DENND5B: variants seen among roughly 807,000 people sequenced by gnomAD.
The protein encoded by DENND5B is DENN domain containing 5B.
In DENND5B, 34 loss-of-function variants were observed where a neutral mutation model predicts 140.6. The ratio of observed to expected loss-of-function variants is 0.24; its 90% confidence interval spans 0.18 to 0.32. The LOEUF is 0.32. DENND5B is among the 10% of genes least tolerant of loss of function. The pLI is 1.00. For missense variants in DENND5B, 1,142 were observed against 1,560.2 expected, an observed-to-expected ratio of 0.73 and a Z score of 4.52; for synonymous variants, 551 against 562.1, an observed-to-expected ratio of 0.98 and a Z score of 0.28.
chr12:31,558,523 T>C (rs1949372339), intron 1 of DENND5B, among the ~76,000 whole-genome samples: 1 of 152,232 alleles, frequency 6.6e-6, no homozygotes, highest in Admixed American at 6.5e-5. Context: ...ATTCCTAGCC[T>C]TTTAGTTTGT....
intron 2 of DENND5B, among the ~76,000 whole-genome samples, chr12:31,487,600 G>C (rs186126647): frequency 2.0e-5 from 3 of 152,224 alleles, no homozygotes; most frequent in Admixed American, 2.0e-4. Context: ...TACCTGGAAG[G>C]CTGAGGCACG....
intron 1 of DENND5B, among the ~76,000 whole-genome samples, chr12:31,534,381 T>C (rs1156444151): frequency 6.6e-6 from 1 of 152,148 alleles, no homozygotes; most frequent in Admixed American, 6.6e-5. Context: ...GGTTTCACCA[T>C]GTTGGCCAGG....
chr12:31,476,785 T>C (rs1003346819), intron 3 of DENND5B, among the ~76,000 whole-genome samples: 4 of 151,930 alleles, frequency 2.6e-5, no homozygotes, highest in Admixed American at 2.6e-4. Flanking sequence ...TGAGACCCCA[T>C]CTCTAAAAAT....
chr12:31,510,129 G>A (rs1947354601), intron 1 of DENND5B, among the ~76,000 whole-genome samples: 1 of 152,072 alleles, frequency 6.6e-6, no homozygotes, highest in African/African-American at 2.4e-5. Context: ...ATTTTCTATT[G>A]CCCCAAGTTA....
rs113117899 is a variant in DENND5B at position 31,476,547 on chromosome 12, C to T, written c.904+3042G>A. On this transcript the variant is annotated intron_variant, in intron 3 of 20. Transcript: ENST00000389082. ...TGGCAACTGTCACACAGGAGGATTACCTAACTCGCCCATGGGTATAGTTAA... is the reference window on the plus strand; with the variant it reads ...TGGCAACTGTCACACAGGAGGATTATCTAACTCGCCCATGGGTATAGTTAA... Among the ~76,000 whole-genome samples, 234 of 151,082 alleles carry T rather than the reference C, an allele frequency of 1.5e-3. 1 individual carries two copies. The highest frequency in any genetic ancestry group is 5.2e-3 in the African/African-American group (214 of 41,194).
chr12:31,466,873 T>A (rs1250471214), intron 3 of DENND5B, among the ~76,000 whole-genome samples: 1 of 152,138 alleles, frequency 6.6e-6, no homozygotes, highest in Non-Finnish European at 1.5e-5. Flanking sequence ...TAAAGCCTCA[T>A]TCAGATAAAT....
At chr12:31,575,402 A>G (rs1174487545) in intron 1 of DENND5B, among the ~76,000 whole-genome samples, 1 of 152,204 alleles carries the variant, frequency 6.6e-6, no homozygotes, top group Non-Finnish European at 1.5e-5. Context: ...GAATTACGTA[A>G]GAGTAGATTG....
At chr12:31,547,594 C>T (rs993002176) in intron 1 of DENND5B, among the ~76,000 whole-genome samples, 4 of 152,020 alleles carry the variant, frequency 2.6e-5, no homozygotes, top group African/African-American at 9.7e-5. Flanking sequence ...GATGGGGTTT[C>T]ATCATATTGG....
At chr12:31,409,234 A>G in intron 14 of DENND5B, 29 bp downstream of exon 14, 1 of 1,544,392 alleles carries the variant, frequency 6.5e-7, no homozygotes, top group South Asian at 1.2e-5. Context: ...CACCTCAGTA[A>G]CCCTTAACGG....
intron 1 of DENND5B, among the ~76,000 whole-genome samples, chr12:31,508,526 G>A (rs1339184603): frequency 6.6e-6 from 1 of 152,146 alleles, no homozygotes; most frequent in Non-Finnish European, 1.5e-5. Context: ...ATCCTAACAT[G>A]AGCAAACTGG....
At chr12:31,448,105 T>G (rs1364077059) in intron 5 of DENND5B, among the ~76,000 whole-genome samples, 2 of 152,058 alleles carry the variant, frequency 1.3e-5, no homozygotes, top group Admixed American at 1.3e-4. Context: ...TTAAAAATTT[T>G]TATCCCTTTC....
intron 1 of DENND5B, 54 bp from the exon 2 acceptor site, chr12:31,495,973 A>G: frequency 7.7e-7 from 1 of 1,290,632 alleles, no homozygotes; most frequent in East Asian, 2.5e-5. Flanking sequence ...AGCATGTCAT[A>G]GTTTTCTATT....
chr12:31,537,674 G>A (rs926639452), intron 1 of DENND5B, among the ~76,000 whole-genome samples: 2 of 151,686 alleles, frequency 1.3e-5, no homozygotes, highest in Non-Finnish European at 2.9e-5. Flanking sequence ...AAGACAGAGT[G>A]GCTGAAGGGA....
chr12:31,514,164 T>A (rs927542156), intron 1 of DENND5B, among the ~76,000 whole-genome samples: 3 of 152,300 alleles, frequency 2.0e-5, no homozygotes, highest in Non-Finnish European at 4.4e-5. Flanking sequence ...TTATTTTTGC[T>A]TCTTACCTAA....
At chr12:31,589,555 G>C (rs1950526073) in intron 1 of DENND5B, among the ~76,000 whole-genome samples, 1 of 152,066 alleles carries the variant, frequency 6.6e-6, no homozygotes, top group Non-Finnish European at 1.5e-5. Context: ...GAACAGTTTT[G>C]TTTACTATTG....
At chr12:31,392,159 A>AT in intron 19 of DENND5B, 108 bp downstream of exon 19, 1 of 1,160,556 alleles carries the variant, frequency 8.6e-7, no homozygotes, top group Admixed American at 3.4e-5. Flanking sequence ...AAAGAAAAAA[A>AT]ATATATATAT....
intron 1 of DENND5B, among the ~76,000 whole-genome samples, chr12:31,523,379 G>A (rs1381619722): frequency 1.3e-5 from 2 of 152,008 alleles, no homozygotes; most frequent in African/African-American, 4.8e-5. Flanking sequence ...TGCAATTCTG[G>A]AAGATTTAGG....
intron 2 of DENND5B, among the ~76,000 whole-genome samples, chr12:31,491,923 C>CA (rs1946540513): frequency 6.6e-6 from 1 of 152,184 alleles, no homozygotes. Flanking sequence ...GGTGATGACT[C>CA]ACTGCGGTGG....
intron 4 of DENND5B, among the ~76,000 whole-genome samples, chr12:31,454,142 C>CA (rs372795117): frequency 0.12 from 11,615 of 96,268 alleles, 498 homozygotes; most frequent in African/African-American, 0.16. Context: ...AGACTTTGGC[C>CA]AAAAAAAAAA....
Sources: gnomAD v4.1 joint callset for allele counts (sites outside exome capture counted in the v4.1 genomes callset) on GRCh38, gnomAD v4.1.1 for gene constraint, MANE v1.5 for transcripts, NCBI Gene and HGNC (gene_info 2026-07-23, HGNC 2026-07-21) for gene names.